Variants in RP1L1 observed in about 807,000 individuals in gnomAD.
RP1L1 encodes RP1 like 1, also known as retinitis pigmentosa 1-like 1 protein.
A neutral mutation model predicts 15.7 loss-of-function variants in RP1L1; 27 were observed. The ratio of observed to expected loss-of-function variants is 1.72; its 90% CI spans 1.27 to 2.38. RP1L1 has a LOEUF of 2.38. Ranked by LOEUF, RP1L1 falls within the 30% of genes most tolerant of loss-of-function variation. The pLI is 0.00. For synonymous variants in RP1L1, 1,813 were observed against 1,276.7 expected, an observed-to-expected ratio of 1.42 and a Z score of -8.96; for missense variants, 4,798 against 3,075.9, an observed-to-expected ratio of 1.56 and a Z score of -13.24.
chr8:10,629,713 G>A (rs894434644), intron 1 of RP1L1, among the ~76,000 whole-genome samples: 1 of 151,994 alleles, frequency 6.6e-6, no homozygotes, highest in African/African-American at 2.4e-5. Flanking sequence ...CTCCCACGCT[G>A]GCATGGGGGC....
At chr8:10,623,724 G>A (rs1798113295) in intron 1 of RP1L1, among the ~76,000 whole-genome samples, 1 of 150,446 alleles carries the variant, frequency 6.6e-6, no homozygotes, top group Non-Finnish European at 1.5e-5. Context: ...GCATTACCAT[G>A]TCCCTAGAGT....
rs1474089535 is a variant in RP1L1 at position 10,610,535 on chromosome 8, G to GCCA, written c.3562_3563insTGG (p.His1187_Ala1188insVal). On this transcript the variant is annotated inframe_insertion, in exon 4 of 4. Coordinates refer to ENST00000382483, the MANE Select transcript of RP1L1 (RefSeq NM_178857.6). ...TGTGGGCGTGAAGTTCTCCGTCATGGCATGGGACCCAAGGTCTGGCAGAGC... is the reference window on the plus strand; with the variant it reads ...TGTGGGCGTGAAGTTCTCCGTCATGGCCACATGGGACCCAAGGTCTGGCAGAGC... The GCCA allele has an allele frequency of 2.5e-6, 4 of 1,613,600 alleles. No individual in the cohort carries two copies. Among genetic ancestry groups the GCCA allele is most frequent in the Non-Finnish European group, 3.4e-6 (4 of 1,180,036 alleles).
At position 10,612,274 on chromosome 8, in the gene RP1L1, C is replaced by T; in HGVS notation, c.1824G>A (p.Arg608=). ...AGGAAAGGCCCAGAACCAGAGGCTC[C>T]CTTGTCACAGCCGCTCCCGTGGCCT... is the stretch of plus-strand genomic sequence containing the variant. ...TEQATGAAVT[R]EPLVLGLSCS... is the part of the protein sequence containing the mutation. Residue 608 remains arginine (R), a synonymous_variant, in exon 4 of 4, where the codon AGG becomes AGA. Transcript: ENST00000382483. The T allele has an allele frequency of 1.9e-6, 3 of 1,613,258 alleles. No individual in the cohort carries two copies. Among genetic ancestry groups the T allele is most frequent in the African/African-American group, 1.3e-5 (1 of 75,068 alleles).
Position 10,608,835 on chromosome 8 carries a change from C to T in RP1L1, c.5263G>A (p.Asp1755Asn), listed in dbSNP as rs756553920. The T allele has an allele frequency of 6.2e-7, 1 of 1,614,126 alleles. No individual in the cohort carries two copies. Among genetic ancestry groups the T allele is most frequent in the South Asian group, 1.1e-5 (1 of 91,082 alleles). Reference protein sequence around the residue: ...DGEGSQRLNRDKDPKLGEAEG... With the variant: ...DGEGSQRLNRNKDPKLGEAEG... ...GCCTCCCCGAGTTTGGGATCTTTGTCTCTGTTGAGTCTCTGGCTCCCCTCG... is the reference window on the plus strand; with the variant it reads ...GCCTCCCCGAGTTTGGGATCTTTGTTTCTGTTGAGTCTCTGGCTCCCCTCG... Residue 1755 changes from aspartate to asparagine, a missense_variant, in exon 4 of 4, where the codon GAC becomes AAC. Asp to Asn is a conservative substitution (Grantham distance 23). Coordinates refer to ENST00000382483, the MANE Select transcript of RP1L1 (RefSeq NM_178857.6).
chr8:10,621,917 A>G (rs1798066062), intron 2 of RP1L1: 1 of 397,608 alleles, frequency 2.5e-6, no homozygotes, highest in Admixed American at 2.8e-5. Context: ...CCCAAACATG[A>G]AGCCCTCCAA....
Position 10,607,897 on chromosome 8 carries a change from A to C in RP1L1, c.6201T>G (p.Ala2067=). The C allele has an allele frequency of 6.5e-7, 1 of 1,531,740 alleles. No homozygotes were observed. The highest frequency in any genetic ancestry group is 8.8e-7 in the Non-Finnish European group (1 of 1,140,536). The allele number at this position is 1,531,740 out of a possible 1,614,324, so 94.9% of individuals were successfully genotyped here. A position where few individuals can be genotyped will look rare whatever the true frequency, so the allele number is the denominator to read the frequency against. The change falls in exon 4 of 4, where the codon GCT becomes GCG. Residue 2067 remains alanine (A), a synonymous_variant. Transcript: ENST00000382483. ...CTTCTGCCTCCTGGACCTCCCCTTC[A>C]GCCTCCTGTGCCTCCTCTTCTGCCT... is the stretch of plus-strand genomic sequence containing the variant. ...APEAEEEAQE[A]EGEVQEAEGE...
intron 1 of RP1L1, among the ~76,000 whole-genome samples, chr8:10,654,410 T>C (rs1396731581): frequency 6.6e-6 from 1 of 152,086 alleles, no homozygotes; most frequent in East Asian, 1.9e-4. Context: ...GCCCTGGGTC[T>C]TCAGAGATTC....
chr8:10,610,079 T>C lies in RP1L1; in HGVS notation c.4019A>G (p.Glu1340Gly), dbSNP rs9657518. 0.25 allele frequency: 276,676 copies of C among 1,112,562 alleles called. 39,511 individuals carry two copies. Among genetic ancestry groups the C allele is most frequent in the East Asian group, 0.48 (14,334 of 29,840 alleles). The allele number at this position is 1,112,562 out of a possible 1,614,324, so 68.9% of individuals were successfully genotyped here. A position where few individuals can be genotyped will look rare whatever the true frequency, so the allele number is the denominator to read the frequency against. The change falls in exon 4 of 4, where the codon GAA (glutamate) becomes GGA (glycine). Residue 1340 changes from glutamate (E) to glycine (G), a missense_variant. Coordinates refer to ENST00000382483, the MANE Select transcript of RP1L1 (RefSeq NM_178857.6). Reference sequence around the variant, plus strand: ...TCCTTCTCCTTCTGTTTCTTTAGTTTCCTCTAACTGCACCCCCTCTTCTTG... The same window carrying C: ...TCCTTCTCCTTCTGTTTCTTTAGTTCCCTCTAACTGCACCCCCTCTTCTTG... ...GLQEEGVQLE[E>G]TKETEGEGQQ... is the part of the protein sequence containing the mutation.
intron 2 of RP1L1, chr8:10,621,870 T>C (rs1798065367): frequency 2.3e-6 from 1 of 435,872 alleles, no homozygotes; most frequent in East Asian, 7.1e-5. Flanking sequence ...CTGGGAGCCA[T>C]TCCTGCAGAC....
Position 10,622,793 on chromosome 8 carries a change from C to T in RP1L1, c.409G>A (p.Glu137Lys), listed in dbSNP as rs764590042. 2 of 1,613,954 alleles carry T rather than the reference C, an allele frequency of 1.2e-6. No homozygotes were observed. The highest frequency in any genetic ancestry group is 1.7e-6 in the Non-Finnish European group (2 of 1,179,930). Residue 137 changes from glutamate to lysine, a missense_variant, in exon 2 of 4, where the codon GAA (glutamate) becomes AAA (lysine). Glu to Lys is a moderately conservative substitution (Grantham distance 56). Coordinates refer to ENST00000382483, the MANE Select transcript of RP1L1 (RefSeq NM_178857.6). Reference sequence around the variant, plus strand: ...CGGGAGGAGGAGGTGCCTGGGGCTTCACGCTGGCCTTCGACATCCCGCAAC... The same window carrying T: ...CGGGAGGAGGAGGTGCCTGGGGCTTTACGCTGGCCTTCGACATCCCGCAAC... ...QQLRDVEGQREAPGTSSSRKS... is the reference protein window; with the variant it reads ...QQLRDVEGQRKAPGTSSSRKS...
At chr8:10,638,090 A>G (rs1798356369) in intron 1 of RP1L1, among the ~76,000 whole-genome samples, 1 of 152,256 alleles carries the variant, frequency 6.6e-6, no homozygotes, top group Non-Finnish European at 1.5e-5. Context: ...CATGGTGGGA[A>G]CAACTGGGAA....
chr8:10,608,974 C>T lies in RP1L1; in HGVS notation c.5124G>A (p.Val1708=), dbSNP rs199631488. Residue 1708 remains valine (V), a synonymous_variant, in exon 4 of 4, where the codon GTG becomes GTA. Transcript: ENST00000382483. ...GEHTDGEAAE[V]APGKTHTDPT... Reference sequence around the variant, plus strand: ...GGTCCGTGTGGGTCTTGCCAGGGGCCACCTCTGCTGCCTCCCCATCAGTGT... The same window carrying T: ...GGTCCGTGTGGGTCTTGCCAGGGGCTACCTCTGCTGCCTCCCCATCAGTGT... The T allele has an allele frequency of 2.7e-4, 434 of 1,613,268 alleles. 1 individual carries two copies. In the African/African-American group the frequency reaches 5.2e-3, roughly 19 times the overall value.
rs371465932 is a variant in RP1L1 at position 10,622,776 on chromosome 8, G to A, written c.426C>T (p.Ser142=). The change falls in exon 2 of 4, where the codon TCC becomes TCT. Residue 142 remains serine (S), a synonymous_variant. Transcript: ENST00000382483. ...VEGQREAPGT[S]SSRKSLKTPR... is the part of the protein sequence containing the mutation. ...GGGTTTTAAGACTCTTCCGGGAGGA[G>A]GAGGTGCCTGGGGCTTCACGCTGGC... 3.1e-6 allele frequency: 5 copies of A among 1,613,872 alleles called. No homozygotes were observed. Among genetic ancestry groups the A allele is most frequent in the Non-Finnish European group, 4.2e-6 (5 of 1,179,960 alleles).
At chr8:10,653,883 T>TC (rs1319682222) in intron 1 of RP1L1, among the ~76,000 whole-genome samples, 1 of 152,126 alleles carries the variant, frequency 6.6e-6, no homozygotes, top group Non-Finnish European at 1.5e-5. Flanking sequence ...GCTGTGCACC[T>TC]CCCCCAGGGA....
rs758699416 is a variant in RP1L1, at chr8:10,622,753, G to C, written c.449C>G (p.Thr150Ser). 1.9e-6 allele frequency: 3 copies of C among 1,614,018 alleles called. No individual in the cohort carries two copies. Among genetic ancestry groups the C allele is most frequent in the African/African-American group, 2.7e-5 (2 of 74,906 alleles). Residue 150 changes from threonine to serine, a missense_variant, in exon 2 of 4, where the codon ACC becomes AGC. Coordinates refer to ENST00000382483, the MANE Select transcript of RP1L1 (RefSeq NM_178857.6). The part of the protein sequence containing the change: ...GTSSSRKSLK[T>S]PRRILLIKNM... ...CTTAATCAGCAGTATCCTCCGGGGG[G>C]TTTTAAGACTCTTCCGGGAGGAGGA...
intron 1 of RP1L1, among the ~76,000 whole-genome samples, chr8:10,640,316 G>C (rs1798388144): frequency 6.6e-6 from 1 of 152,194 alleles, no homozygotes; most frequent in African/African-American, 2.4e-5. Context: ...ATTTTTCAAA[G>C]AAAAGATCAA....
intron 2 of RP1L1, among the ~76,000 whole-genome samples, chr8:10,617,727 T>G (rs923986998): frequency 6.6e-6 from 1 of 151,958 alleles, no homozygotes; most frequent in African/African-American, 2.4e-5. Context: ...CAGCTAATTT[T>G]TTGTATTTTT....
intron 3 of RP1L1, among the ~76,000 whole-genome samples, chr8:10,614,148 G>A (rs1264053022): frequency 6.6e-6 from 1 of 152,136 alleles, no homozygotes; most frequent in Non-Finnish European, 1.5e-5. Context: ...CACAGCAGGT[G>A]AAATCAATAA....
intron 2 of RP1L1, among the ~76,000 whole-genome samples, chr8:10,622,146 A>G (rs1217233595): frequency 6.6e-6 from 1 of 151,990 alleles, no homozygotes; most frequent in Non-Finnish European, 1.5e-5. Flanking sequence ...ACATGGAGAA[A>G]CCCTGTCTCT....
Sources: gnomAD v4.1 joint callset for allele counts (sites outside exome capture counted in the v4.1 genomes callset) on GRCh38, gnomAD v4.1.1 for gene constraint, MANE v1.5 for transcripts, NCBI Gene and HGNC (gene_info 2026-07-23, HGNC 2026-07-21) for gene names.